Variants in ZNF804A observed in about 807,000 individuals in gnomAD.
The protein encoded by ZNF804A is zinc finger protein 804A.
ZNF804A carries 2 observed loss-of-function variants against 16.5 expected under a neutral mutation model. The observed-to-expected ratio is 0.12, with a 90% CI of 0.05 to 0.38. ZNF804A has a LOEUF of 0.38. Ranked by LOEUF, ZNF804A falls within the 10% of genes least tolerant of loss-of-function variation. The pLI is 0.99. For synonymous variants in ZNF804A, 534 were observed against 489.6 expected (o/e 1.09, Z -1.20); for missense variants, 1,473 against 1,390.7 (o/e 1.06, Z -0.94).
chr2:184,737,632 T>A (rs1305131451), intron 1 of ZNF804A, among the ~76,000 whole-genome samples: 3 of 152,194 alleles, frequency 2.0e-5, no homozygotes, highest in Non-Finnish European at 4.4e-5. Context: ...AATTTTCTCA[T>A]ATTTATTTCA....
chr2:184,652,780 G>A (rs1692008575), intron 1 of ZNF804A, among the ~76,000 whole-genome samples: 1 of 152,078 alleles, frequency 6.6e-6, no homozygotes, highest in South Asian at 2.1e-4. Flanking sequence ...TTATGGGAGG[G>A]ACCTCATGGG....
chr2:184,818,343 C>G (rs142222080), intron 1 of ZNF804A, among the ~76,000 whole-genome samples: 1 of 151,938 alleles, frequency 6.6e-6, no homozygotes, highest in Admixed American at 6.6e-5. Context: ...GGATCCTTTA[C>G]AGACAAACAA....
intron 1 of ZNF804A, among the ~76,000 whole-genome samples, chr2:184,635,195 C>T (rs1473232695): frequency 6.6e-6 from 1 of 152,064 alleles, no homozygotes; most frequent in African/African-American, 2.4e-5. Context: ...TATATACATT[C>T]AACAAGACAG....
intron 1 of ZNF804A, among the ~76,000 whole-genome samples, chr2:184,776,742 T>C (rs572356078): frequency 1.7e-4 from 26 of 151,644 alleles, no homozygotes; most frequent in African/African-American, 6.3e-4. Context: ...ATGGAACTAG[T>C]ACCCCAGGGA....
chr2:184,786,651 C>T (rs1031641736), intron 1 of ZNF804A, among the ~76,000 whole-genome samples: 6 of 151,906 alleles, frequency 3.9e-5, no homozygotes, highest in Admixed American at 3.9e-4. Context: ...TACTAGCCTA[C>T]TGGAACATAA....
chr2:184,741,571 A>T (rs1693709757), intron 1 of ZNF804A, among the ~76,000 whole-genome samples: 1 of 152,070 alleles, frequency 6.6e-6, no homozygotes, highest in Admixed American at 6.6e-5. Flanking sequence ...AATAAAGATG[A>T]TTTTATCAGG....
At chr2:184,874,461 T>C (rs1696021871) in intron 2 of ZNF804A, among the ~76,000 whole-genome samples, 1 of 152,130 alleles carries the variant, frequency 6.6e-6, no homozygotes, top group African/African-American at 2.4e-5. Flanking sequence ...ACTGCCCTAT[T>C]ACAGATATAG....
chr2:184,870,585 ATG>A (rs1258620789), intron 2 of ZNF804A, among the ~76,000 whole-genome samples: 6 of 152,044 alleles, frequency 3.9e-5, no homozygotes, highest in Admixed American at 3.9e-4. Flanking sequence ...TAACTCTTCC[ATG>A]TGCCATTCAA....
intron 1 of ZNF804A, among the ~76,000 whole-genome samples, chr2:184,621,332 T>C (rs1450219471): frequency 2.6e-5 from 4 of 151,756 alleles, no homozygotes; most frequent in Non-Finnish European, 5.9e-5. Context: ...CAACAAATTA[T>C]TTCCCATTAC....
Position 184,871,755 on chromosome 2 carries a change from A to G in ZNF804A, c.255+5243A>G, listed in dbSNP as rs370341637. ...TTGTTTAAAATTAAATAGTTTAAGA[A>G]AATAAAAGATTAGTTGATTTAATAT... is the stretch of plus-strand genomic sequence containing the variant. On this transcript the variant is annotated intron_variant, in intron 2 of 3. Transcript: ENST00000302277. Among the ~76,000 whole-genome samples, 4 of 152,168 alleles carry G rather than the reference A, an allele frequency of 2.6e-5. No individual in the cohort carries two copies. The South Asian group carries it at 6.2e-4, about 24-fold the overall frequency.
chr2:184,644,240 T>C (rs1315913411), intron 1 of ZNF804A, among the ~76,000 whole-genome samples: 1 of 151,616 alleles, frequency 6.6e-6, no homozygotes, highest in Non-Finnish European at 1.5e-5. Flanking sequence ...ATATCATATA[T>C]ATATATATAA....
intron 1 of ZNF804A, among the ~76,000 whole-genome samples, chr2:184,858,134 T>C (rs1197429729): frequency 1.3e-5 from 2 of 152,104 alleles, no homozygotes; most frequent in South Asian, 2.1e-4. Context: ...ATATCTATTA[T>C]GTATTTTTGC....
At chr2:184,623,696 G>C (rs1411354458) in intron 1 of ZNF804A, among the ~76,000 whole-genome samples, 1 of 152,076 alleles carries the variant, frequency 6.6e-6, no homozygotes, top group Non-Finnish European at 1.5e-5. Flanking sequence ...TACTGCATTG[G>C]AGCATGATTG....
Position 184,672,212 on chromosome 2 carries a change from A to ATCTTT in ZNF804A, c.111+73143_111+73147dup, listed in dbSNP as rs1692348190. ...GATAAATAAAGGCTACTTTTGTACT[A>ATCTTT]TCTTTGCTTATTGCATATGTTTTAT... On this transcript the variant is annotated intron_variant, in intron 1 of 3. Transcript: ENST00000302277. 3.3e-5 allele frequency among the ~76,000 whole-genome samples: 5 copies of ATCTTT among 152,332 alleles called. No individual in the cohort carries two copies. The South Asian group carries it at 1.0e-3, about 32-fold the overall frequency.
intron 1 of ZNF804A, among the ~76,000 whole-genome samples, chr2:184,768,984 G>C (rs1694170874): frequency 6.6e-6 from 1 of 152,048 alleles, no homozygotes; most frequent in South Asian, 2.1e-4. Flanking sequence ...ATTATTTACA[G>C]AGTGAATATC....
chr2:184,598,872 C>A lies in ZNF804A; in HGVS notation c.-88C>A. 2 of 764,378 alleles carry A rather than the reference C, an allele frequency of 2.6e-6. No individual in the cohort carries two copies. The highest frequency in any genetic ancestry group is 1.9e-6 in the Non-Finnish European group (1 of 525,800). 47.3% of individuals were successfully genotyped at this position (764,378 alleles called of 1,614,324 possible). A position where few individuals can be genotyped will look rare whatever the true frequency, so the allele number is the denominator to read the frequency against. On this transcript the variant is annotated 5_prime_UTR_variant, in exon 1 of 4. Transcript: ENST00000302277. Reference sequence around the variant, plus strand: ...GCGTGCCCTCGTGGCGGGTTCCCAGCCCACCGTCGCCGGCCCCGGCGCGCT... The same window carrying A: ...GCGTGCCCTCGTGGCGGGTTCCCAGACCACCGTCGCCGGCCCCGGCGCGCT...
chr2:184,731,950 A>G (rs1271749904), intron 1 of ZNF804A, among the ~76,000 whole-genome samples: 1 of 152,112 alleles, frequency 6.6e-6, no homozygotes, highest in East Asian at 1.9e-4. Context: ...TATTTTGATA[A>G]CAGGCCATTA....
chr2:184,729,849 G>A (rs922579832), intron 1 of ZNF804A, among the ~76,000 whole-genome samples: 4 of 152,040 alleles, frequency 2.6e-5, no homozygotes, highest in Non-Finnish European at 5.9e-5. Flanking sequence ...CTATTCAAAA[G>A]CAAACACAAA....
intron 1 of ZNF804A, among the ~76,000 whole-genome samples, chr2:184,700,619 G>C (rs986089069): frequency 3.9e-5 from 6 of 151,980 alleles, no homozygotes; most frequent in African/African-American, 1.4e-4. Flanking sequence ...AGACAACCTT[G>C]AATGACAAAG....
Sources: allele counts gnomAD v4.1 joint callset (sites outside exome capture counted in the v4.1 genomes callset), GRCh38; gene constraint gnomAD v4.1.1; transcripts MANE v1.5; gene names NCBI Gene and HGNC (gene_info 2026-07-23, HGNC 2026-07-21).